Variants in TRIO observed in about 807,000 individuals in gnomAD.
TRIO encodes trio Rho guanine nucleotide exchange factor, also known as triple functional domain protein.
Under a neutral mutation model 351.9 loss-of-function variants are expected in TRIO, and 58 were observed. The ratio of observed to expected loss-of-function variants is 0.16; its 90% CI spans 0.13 to 0.21. TRIO has a LOEUF of 0.21. Ranked by LOEUF, TRIO falls within the 10% of genes least tolerant of loss-of-function variation. The pLI is 1.00. For synonymous variants in TRIO, 1,758 were observed against 1,595.7 expected (o/e 1.10, Z -2.42); for missense variants, 3,201 against 4,027.8 (o/e 0.79, Z 5.56).
At chr5:14,491,282 C>T (rs779775569) in intron 48 of TRIO, among the ~76,000 whole-genome samples, 18 of 152,314 alleles carry the variant, frequency 1.2e-4, no homozygotes, top group African/African-American at 3.6e-4. Context: ...GGCTGAGAGG[C>T]GGTAGAGCAG....
intron 1 of TRIO, among the ~76,000 whole-genome samples, chr5:14,168,802 C>T (rs72740400): frequency 0.076 from 11,628 of 152,274 alleles, 566 homozygotes; most frequent in Middle Eastern, 0.16. Context: ...ATTTTAATTA[C>T]CAATACATGT....
chr5:14,175,822 T>C (rs1789372200), intron 1 of TRIO, among the ~76,000 whole-genome samples: 1 of 152,244 alleles, frequency 6.6e-6, no homozygotes, highest in African/African-American at 2.4e-5. Flanking sequence ...ATAGACGGGA[T>C]ACCTAGACTG....
At chr5:14,245,122 A>G (rs1433915275) in intron 1 of TRIO, among the ~76,000 whole-genome samples, 1 of 152,200 alleles carries the variant, frequency 6.6e-6, no homozygotes, top group South Asian at 2.1e-4. Context: ...CAGCTTCTCT[A>G]ATATTGTTCC....
chr5:14,427,731 T>C (rs983001240), intron 34 of TRIO, among the ~76,000 whole-genome samples: 1 of 152,110 alleles, frequency 6.6e-6, no homozygotes, highest in Non-Finnish European at 1.5e-5. Flanking sequence ...GTGGGGGTCA[T>C]GTAGTCTGAA....
At chr5:14,231,341 C>T (rs938869237) in intron 1 of TRIO, among the ~76,000 whole-genome samples, 2 of 152,138 alleles carry the variant, frequency 1.3e-5, no homozygotes, top group Non-Finnish European at 2.9e-5. Flanking sequence ...TTTTATGAAG[C>T]AGTTTTGGCT....
In TRIO at chr5:14,280,284, T is replaced by C. The variant is rs778806195; in HGVS notation, c.233-38T>C. ...ATGATAACATAGGATTTCTGTCTTA[T>C]CTTGTGTCTAAGTGTATTCCTAATG... is the stretch of plus-strand genomic sequence containing the variant. On this transcript the variant is annotated intron_variant, in intron 2 of 56. Transcript: ENST00000344204. 7.6e-6 allele frequency: 12 copies of C among 1,569,804 alleles called. No homozygotes were observed. In the South Asian group the frequency reaches 1.0e-4, roughly 13 times the overall value.
At chr5:14,358,676 C>T (rs1206058999) in intron 12 of TRIO, among the ~76,000 whole-genome samples, 1 of 152,210 alleles carries the variant, frequency 6.6e-6, no homozygotes, top group Non-Finnish European at 1.5e-5. Context: ...ATGTGAGCTT[C>T]CAAGGATTGC....
chr5:14,165,437 T>A (rs992180303), intron 1 of TRIO, among the ~76,000 whole-genome samples: 1 of 152,194 alleles, frequency 6.6e-6, no homozygotes, highest in Non-Finnish European at 1.5e-5. Context: ...AAAGACATGA[T>A]TTCATTCTTT....
At chr5:14,427,249 C>G (rs1019789403) in intron 34 of TRIO, among the ~76,000 whole-genome samples, 2 of 152,200 alleles carry the variant, frequency 1.3e-5, no homozygotes, top group East Asian at 3.9e-4. Context: ...ACGGCTTAGC[C>G]TGTTGGCCAG....
At chr5:14,159,313 A>T (rs1788288486) in intron 1 of TRIO, among the ~76,000 whole-genome samples, 1 of 109,988 alleles carries the variant, frequency 9.1e-6, no homozygotes, top group African/African-American at 4.6e-5. Flanking sequence ...TTTTCAGGAA[A>T]TCGCAGTCAA....
chr5:14,491,980 G>A (rs1756523109), intron 48 of TRIO, among the ~76,000 whole-genome samples: 1 of 152,198 alleles, frequency 6.6e-6, no homozygotes, highest in African/African-American at 2.4e-5. Context: ...AATAGTGATC[G>A]ATTTACGTTC....
chr5:14,162,384 G>A (rs937388428), intron 1 of TRIO, among the ~76,000 whole-genome samples: 5 of 152,200 alleles, frequency 3.3e-5, no homozygotes, highest in African/African-American at 2.4e-5. Flanking sequence ...CAGATGGCTT[G>A]TAATTTAACA....
At chr5:14,485,443 A>C (rs1273967653) in intron 47 of TRIO, among the ~76,000 whole-genome samples, 197 bp downstream of exon 47, 1 of 152,194 alleles carries the variant, frequency 6.6e-6, no homozygotes, top group Non-Finnish European at 1.5e-5. Context: ...CCTGCTTTAC[A>C]GATGAGAAAG....
At chr5:14,458,123 C>T (rs1471215290) in intron 34 of TRIO, among the ~76,000 whole-genome samples, 2 of 151,732 alleles carry the variant, frequency 1.3e-5, no homozygotes, top group Admixed American at 6.6e-5. Flanking sequence ...CTCAGGCATC[C>T]GGGCTGTCTC....
intron 4 of TRIO, among the ~76,000 whole-genome samples, chr5:14,287,949 T>G (rs1370414820): frequency 2.0e-5 from 3 of 152,242 alleles, no homozygotes; most frequent in African/African-American, 7.2e-5. Context: ...CAGGTTATAA[T>G]GCTATACTTT....
At chr5:14,282,496 A>G (rs1278958314) in intron 3 of TRIO, among the ~76,000 whole-genome samples, 3 of 152,154 alleles carry the variant, frequency 2.0e-5, no homozygotes, top group African/African-American at 7.2e-5. Flanking sequence ...AGTAAATATT[A>G]AAAATTATTC....
intron 1 of TRIO, among the ~76,000 whole-genome samples, chr5:14,148,687 C>T (rs984878130): frequency 1.3e-5 from 2 of 152,184 alleles, no homozygotes; most frequent in Non-Finnish European, 2.9e-5. Flanking sequence ...CTTGGATTTG[C>T]GGGAGAATCC....
intron 7 of TRIO, among the ~76,000 whole-genome samples, chr5:14,301,962 A>G (rs567731693): frequency 6.6e-6 from 1 of 152,176 alleles, no homozygotes; most frequent in Admixed American, 6.5e-5. Flanking sequence ...ATGGGCTGTT[A>G]TTAACCCAGA....
At position 14,336,731 on chromosome 5, in the gene TRIO, A is replaced by C. The variant is rs770942743; in HGVS notation, c.2046+4A>C. 2.5e-6 allele frequency: 4 copies of C among 1,614,030 alleles called. No individual in the cohort carries two copies. The East Asian group carries it at 8.9e-5, about 36-fold the overall frequency. On this transcript the variant is annotated splice_donor_region_variant and intron_variant, in intron 11 of 56. Coordinates refer to ENST00000344204, the MANE Select transcript of TRIO (RefSeq NM_007118.4). ...CTTTCACACCCATGTGAAAGAGGTA[A>C]GGTGCCAGGAGACCAAAATATGATC...
Sources: allele counts gnomAD v4.1 joint callset (sites outside exome capture counted in the v4.1 genomes callset), GRCh38; gene constraint gnomAD v4.1.1; transcripts MANE v1.5; gene names NCBI Gene and HGNC (gene_info 2026-07-23, HGNC 2026-07-21).